Variants in FOXP2 observed in about 807,000 individuals in gnomAD.
The protein encoded by FOXP2 is forkhead box protein P2.
In FOXP2, 12 loss-of-function variants were observed where a neutral mutation model predicts 115.8. That is an observed-to-expected ratio of 0.10 (90% CI 0.07 to 0.17). The LOEUF (loss-of-function observed/expected upper bound fraction) is 0.17, where lower values mean the gene tolerates loss of function less well. Ranked by LOEUF, FOXP2 falls within the 10% of genes least tolerant of loss-of-function variation. The pLI, the probability that FOXP2 is intolerant of heterozygous loss-of-function variation, is 1.00. For missense variants in FOXP2, 629 were observed against 843.5 expected (o/e 0.75, Z 3.15); for synonymous variants, 328 against 297.7 (o/e 1.10, Z -1.05).
At chr7:114,560,307 T>C (rs1800700706) in intron 3 of FOXP2, among the ~76,000 whole-genome samples, 1 of 152,118 alleles carries the variant, frequency 6.6e-6, no homozygotes, top group Non-Finnish European at 1.5e-5. Flanking sequence ...AGAATATATT[T>C]ATAAAAGTGA....
At chr7:114,333,511 G>T (rs1180291840) in intron 2 of FOXP2, among the ~76,000 whole-genome samples, 1 of 152,202 alleles carries the variant, frequency 6.6e-6, no homozygotes, top group African/African-American at 2.4e-5. Flanking sequence ...CCAGCACATC[G>T]GAAGGCCGAG....
chr7:114,295,708 A>G (rs918115739), intron 2 of FOXP2, among the ~76,000 whole-genome samples: 7 of 152,232 alleles, frequency 4.6e-5, no homozygotes, highest in African/African-American at 1.4e-4. Context: ...AGCCTTATTA[A>G]GGAGCTCTTC....
Position 114,690,591 on chromosome 7 carries a change from T to A in FOXP2, c.*665T>A, listed in dbSNP as rs1188879323. 1 of 453,992 alleles carries A rather than the reference T, an allele frequency of 2.2e-6. No homozygotes were observed. The highest frequency in any genetic ancestry group is 4.4e-6 in the Non-Finnish European group (1 of 226,800). The allele number at this position is 453,992 out of a possible 1,614,324, so 28.1% of individuals were successfully genotyped here. On this transcript the variant is annotated 3_prime_UTR_variant, in exon 17 of 17. Coordinates refer to ENST00000350908, the MANE Select transcript of FOXP2 (RefSeq NM_014491.4). ...ACCTTAGGCTTCCAGTCTGTGCTGT[T>A]AGTGTTAAGATGTAAAGTGCAATCC...
chr7:114,121,599 A>G (rs1483368616), intron 1 of FOXP2, among the ~76,000 whole-genome samples: 1 of 152,100 alleles, frequency 6.6e-6, no homozygotes, highest in Non-Finnish European at 1.5e-5. Context: ...TATCAAGTGA[A>G]TAAACCATGT....
intron 2 of FOXP2, among the ~76,000 whole-genome samples, chr7:114,380,346 C>T (rs574994505): frequency 1.3e-5 from 2 of 152,092 alleles, no homozygotes; most frequent in Non-Finnish European, 2.9e-5. Context: ...TTCTAGTGCC[C>T]GAGTGAGGGC....
chr7:114,622,670 T>C (rs1222676464), intron 3 of FOXP2, among the ~76,000 whole-genome samples: 2 of 152,038 alleles, frequency 1.3e-5, no homozygotes, highest in Non-Finnish European at 2.9e-5. Flanking sequence ...TATTTTTGCT[T>C]TCTTAGAGAG....
chr7:114,451,925 C>A (rs575480339), intron 2 of FOXP2, among the ~76,000 whole-genome samples: 1 of 151,784 alleles, frequency 6.6e-6, no homozygotes. Flanking sequence ...TTTTTTATGC[C>A]GAATAATACA....
chr7:114,334,159 A>T (rs1354245337), intron 2 of FOXP2, among the ~76,000 whole-genome samples: 1 of 152,136 alleles, frequency 6.6e-6, no homozygotes, highest in Non-Finnish European at 1.5e-5. Flanking sequence ...AATACCTTGG[A>T]TTATACATTC....
chr7:114,584,602 C>T (rs920646658), intron 3 of FOXP2, among the ~76,000 whole-genome samples: 7 of 152,258 alleles, frequency 4.6e-5, no homozygotes, highest in Admixed American at 1.3e-4. Flanking sequence ...CTAAAATCTA[C>T]CCTCTTTCTG....
At chr7:114,608,830 CT>C (rs1803474453) in intron 3 of FOXP2, among the ~76,000 whole-genome samples, 1 of 152,084 alleles carries the variant, frequency 6.6e-6, no homozygotes, top group Non-Finnish European at 1.5e-5. Context: ...GATAAAATAG[CT>C]TTGAAAAAGA....
At chr7:114,666,648 T>C (rs1807176364) in intron 16 of FOXP2, 1 of 152,108 alleles carries the variant, frequency 6.6e-6, no homozygotes, top group African/African-American at 2.4e-5. Flanking sequence ...ATGTTACTTG[T>C]TGTTTTAGAG....
intron 2 of FOXP2, among the ~76,000 whole-genome samples, chr7:114,457,186 C>G (rs1795346470): frequency 1.3e-5 from 2 of 152,048 alleles, no homozygotes; most frequent in South Asian, 4.1e-4. Flanking sequence ...AAAAGGGTAA[C>G]TACAGAAGAG....
At chr7:114,236,139 T>G (rs1345279424) in intron 1 of FOXP2, among the ~76,000 whole-genome samples, 1 of 152,184 alleles carries the variant, frequency 6.6e-6, no homozygotes, top group African/African-American at 2.4e-5. Flanking sequence ...TAAAAAATGC[T>G]AAATGCCAGT....
intron 1 of FOXP2, among the ~76,000 whole-genome samples, chr7:114,233,274 A>T (rs1358004322): frequency 6.6e-6 from 1 of 152,206 alleles, no homozygotes; most frequent in Non-Finnish European, 1.5e-5. Flanking sequence ...TCCTATAGTG[A>T]AATTAAATAA....
intron 1 of FOXP2, among the ~76,000 whole-genome samples, chr7:114,228,285 T>C (rs1055771650): frequency 2.0e-5 from 3 of 152,022 alleles, no homozygotes; most frequent in African/African-American, 7.2e-5. Context: ...TTGTTTCAAC[T>C]CTAGTAGTAA....
upstream of FOXP2, among the ~76,000 whole-genome samples, chr7:114,162,389 A>C (rs150417984): frequency 1.3e-5 from 2 of 152,122 alleles, no homozygotes; most frequent in African/African-American, 4.8e-5. Context: ...CAACCTTTGT[A>C]CCATTAAAAA....
intron 1 of FOXP2, among the ~76,000 whole-genome samples, chr7:114,281,717 G>A (rs937142355): frequency 2.0e-5 from 3 of 152,024 alleles, no homozygotes; most frequent in Admixed American, 6.6e-5. Flanking sequence ...ATATAAAACT[G>A]ACTGAAAACA....
intron 3 of FOXP2, among the ~76,000 whole-genome samples, chr7:114,572,250 A>G (rs1009026594): frequency 6.6e-5 from 10 of 151,556 alleles, no homozygotes; most frequent in Non-Finnish European, 1.5e-4. Context: ...ATGTCAAAAA[A>G]AAAAGAAATA....
At position 114,344,225 on chromosome 7, in the gene FOXP2, G is replaced by A. The variant is rs74542442; in HGVS notation, c.-11+56116G>A. 4.0e-5 allele frequency among the ~76,000 whole-genome samples: 6 copies of A among 151,774 alleles called. No individual in the cohort carries two copies. In the East Asian group the frequency reaches 7.7e-4, roughly 20 times the overall value. On this transcript the variant is annotated intron_variant, in intron 2 of 17. Coordinates refer to the FOXP2 transcript ENST00000634411. ...TGCTACACCTGTGATTTTTGGCTTC[G>A]GTTCTATGATACTCATCAATATCTA...
Sources: allele counts gnomAD v4.1 joint callset (sites outside exome capture counted in the v4.1 genomes callset), GRCh38; gene constraint gnomAD v4.1.1; transcripts MANE v1.5; gene names NCBI Gene and HGNC (gene_info 2026-07-23, HGNC 2026-07-21).